Variants in USH2A observed in about 807,000 individuals in gnomAD.
USH2A encodes Usher syndrome 2A (autosomal recessive, mild).
In USH2A, 443 loss-of-function variants were observed where a neutral mutation model predicts 538.9. The observed-to-expected ratio is 0.82, with a 90% CI of 0.76 to 0.89. The LOEUF (loss-of-function observed/expected upper bound fraction) is 0.89. USH2A is among the 40% of genes least tolerant of loss of function. The pLI is 0.00. For missense variants in USH2A, 6,633 were observed against 6,324.8 expected (o/e 1.05, Z -1.65); for synonymous variants, 2,413 against 2,273.5 (o/e 1.06, Z -1.75).
At position 215,650,491 on chromosome 1, in the gene USH2A, A is replaced by G; in HGVS notation, c.14343+101T>C. ...CCGTAGAGCAACTGAGAACAGAAGG[A>G]TAAGAAAGATGGAGGGAAAAACAAA... On this transcript the variant is annotated intron_variant, in intron 65 of 71. Coordinates refer to ENST00000307340, the MANE Select transcript of USH2A (RefSeq NM_206933.4). The G allele has an allele frequency of 2.2e-6, 3 of 1,387,574 alleles. No individual in the cohort carries two copies. The South Asian group carries it at 3.6e-5, about 17-fold the overall frequency. 86.0% of individuals were successfully genotyped at this position (1,387,574 alleles called of 1,614,324 possible). A position where few individuals can be genotyped will look rare whatever the true frequency, so the allele number is the denominator to read the frequency against.
At chr1:216,118,008 G>C (rs140130505) in intron 21 of USH2A, among the ~76,000 whole-genome samples, 1 of 151,872 alleles carries the variant, frequency 6.6e-6, no homozygotes, top group East Asian at 1.9e-4. Context: ...TTGATGTTTG[G>C]CTTAATGATT....
chr1:216,312,724 T>A (rs2037444238), intron 9 of USH2A, among the ~76,000 whole-genome samples: 2 of 152,342 alleles, frequency 1.3e-5, no homozygotes, highest in African/African-American at 4.8e-5. Flanking sequence ...CTTTAGTGTA[T>A]TCATCAGAGC....
In USH2A at chr1:216,070,221, C is replaced by T. The variant is rs1453112061; in HGVS notation, c.5929G>A (p.Glu1977Lys). The T allele has an allele frequency of 6.2e-7, 1 of 1,613,992 alleles. No individual in the cohort carries two copies. The highest frequency in any genetic ancestry group is 1.7e-5 in the Admixed American group (1 of 60,020). The change falls in exon 30 of 72, where the codon GAA becomes AAA. Residue 1977 changes from glutamate to lysine, a missense_variant. Coordinates refer to ENST00000307340, the MANE Select transcript of USH2A (RefSeq NM_206933.4). ...NGYSIEVTWD[E>K]PVVRGVIEKY... ...TCAATTACACCTCTGACAACAGGTT[C>T]ATCCCAGGTCACCTCAATGCTGTAT...
At chr1:216,265,023 A>C (rs1173672324) in intron 11 of USH2A, among the ~76,000 whole-genome samples, 1 of 152,144 alleles carries the variant, frequency 6.6e-6, no homozygotes, top group Non-Finnish European at 1.5e-5. Flanking sequence ...GAATTACATC[A>C]AACTAAAATG....
intron 41 of USH2A, among the ~76,000 whole-genome samples, chr1:215,883,215 T>C (rs547430330): frequency 6.6e-6 from 1 of 152,298 alleles, no homozygotes. Context: ...ACCAACCTAA[T>C]ATATCCTCTT....
intron 64 of USH2A, among the ~76,000 whole-genome samples, chr1:215,659,341 T>C (rs1657371475): frequency 1.3e-5 from 2 of 152,164 alleles, no homozygotes; most frequent in South Asian, 4.1e-4. Flanking sequence ...AGAAGGCCAG[T>C]GTGGCTGACC....
Position 216,083,471 on chromosome 1 carries a change from T to A in USH2A, c.5283A>T (p.Gly1761=). ...ATTCACATACAGCAAGAAAATCAGGTCCATCTTTGTTATAAACGAAAAGAA... is the reference window on the plus strand; with the variant it reads ...ATTCACATACAGCAAGAAAATCAGGACCATCTTTGTTATAAACGAAAAGAA... ...GLLLFVYNKD[G]PDFLAMELKS... Residue 1761 remains glycine, a synonymous_variant, in exon 26 of 72, where the codon GGA becomes GGT. Transcript: ENST00000307340. The A allele has an allele frequency of 6.2e-7, 1 of 1,611,798 alleles. No individual in the cohort carries two copies. Among genetic ancestry groups the A allele is most frequent in the East Asian group, 2.2e-5 (1 of 44,728 alleles).
At chr1:215,756,492 G>T (rs185526504) in intron 58 of USH2A, among the ~76,000 whole-genome samples, 2 of 152,238 alleles carry the variant, frequency 1.3e-5, no homozygotes, top group Admixed American at 6.5e-5. Flanking sequence ...GGAGAATTTG[G>T]ATTGTAGAAG....
At chr1:215,838,221 T>C (rs1663584713) in intron 46 of USH2A, 118 bp from the exon 47 acceptor site, 3 of 828,106 alleles carry the variant, frequency 3.6e-6, no homozygotes, top group East Asian at 2.5e-5. Flanking sequence ...CTATAGCCTC[T>C]TGAGGTTTAA....
At chr1:216,325,646 A>T (rs1304964541) in intron 5 of USH2A, 47 bp from the exon 6 acceptor site, 2 of 1,577,076 alleles carry the variant, frequency 1.3e-6, no homozygotes, top group Non-Finnish European at 1.7e-6. Context: ...GCTTAACAGT[A>T]ATAGAACTTC....
At chr1:216,378,107 A>G (rs2038870024) in intron 3 of USH2A, among the ~76,000 whole-genome samples, 1 of 152,132 alleles carries the variant, frequency 6.6e-6, no homozygotes, top group African/African-American at 2.4e-5. Context: ...AAACATTTGC[A>G]TGCCGATTTG....
At chr1:216,224,049 T>G (rs1180607471) in intron 14 of USH2A, among the ~76,000 whole-genome samples, 5 of 152,216 alleles carry the variant, frequency 3.3e-5, no homozygotes, top group Admixed American at 3.3e-4. Flanking sequence ...CTTCAGTGTG[T>G]GTCAGCTAGT....
At chr1:215,886,010 C>T (rs893465530) in intron 41 of USH2A, among the ~76,000 whole-genome samples, 4 of 152,198 alleles carry the variant, frequency 2.6e-5, no homozygotes, top group African/African-American at 9.7e-5. Context: ...CTAGGGACTT[C>T]ATCTTGATCT....
chr1:216,387,241 A>G (rs1267256895), intron 3 of USH2A, among the ~76,000 whole-genome samples: 1 of 152,216 alleles, frequency 6.6e-6, no homozygotes, highest in Non-Finnish European at 1.5e-5. Context: ...AAAACAGTCA[A>G]TGACTTCTCA....
intron 21 of USH2A, among the ~76,000 whole-genome samples, chr1:216,108,680 AATG>A (rs1313096742): frequency 1.3e-5 from 2 of 151,984 alleles, no homozygotes; most frequent in Admixed American, 6.6e-5. Flanking sequence ...GTTACTTCAT[AATG>A]ATATGTGTTT....
intron 8 of USH2A, among the ~76,000 whole-genome samples, chr1:216,322,259 C>T (rs1571699634): frequency 6.6e-6 from 1 of 152,190 alleles, no homozygotes; most frequent in East Asian, 1.9e-4. Context: ...TCTATACCAA[C>T]CACGTACCAA....
intron 4 of USH2A, among the ~76,000 whole-genome samples, chr1:216,349,330 G>A (rs1347904051): frequency 6.6e-6 from 1 of 151,974 alleles, no homozygotes. Context: ...TAAAAAGGAG[G>A]GGGTAATTGT....
chr1:216,047,391 G>T (rs1332575920), intron 31 of USH2A, among the ~76,000 whole-genome samples: 2 of 152,106 alleles, frequency 1.3e-5, no homozygotes, highest in African/African-American at 4.8e-5. Flanking sequence ...CCTTGTAAGA[G>T]GGGATGATAA....
At chr1:216,344,965 C>CATGTGA (rs1456565650) in intron 4 of USH2A, among the ~76,000 whole-genome samples, 9 of 151,246 alleles carry the variant, frequency 6.0e-5, no homozygotes, top group South Asian at 2.1e-4. Flanking sequence ...ATTAGGCATG[C>CATGTGA]ATGTGAATGT....
Sources: gnomAD v4.1 joint callset for allele counts (sites outside exome capture counted in the v4.1 genomes callset) on GRCh38, gnomAD v4.1.1 for gene constraint, MANE v1.5 for transcripts, NCBI Gene and HGNC (gene_info 2026-07-23, HGNC 2026-07-21) for gene names.